RNF113A: variants seen among roughly 807,000 people sequenced by gnomAD.
RNF113A encodes the protein ring finger protein 113A, also known as E3 ubiquitin-protein ligase RNF113A.
For missense variants in RNF113A, 180 were observed against 285.4 expected, an observed-to-expected ratio of 0.63 and a Z score of 2.66; for synonymous variants, 80 against 110.5, an observed-to-expected ratio of 0.72 and a Z score of 1.73.
rs779018953 is a variant in RNF113A at position 119,871,417 on chromosome X, A to T, written c.197T>A (p.Met66Lys). ...ACCACTGTCACGGGTCTTCTGTATC[A>T]TTGGATTGTGGGTCACCCGCTTCTT... is the stretch of plus-strand genomic sequence containing the variant. ...PEKKRVTHNP[M>K]IQKTRDSGKQ... Residue 66 changes from methionine to lysine, a missense_variant, in exon 1 of 1, where the codon ATG becomes AAG. By Grantham distance (95) the Met-to-Lys change is moderately conservative (BLOSUM62 -1). Transcript: ENST00000371442. 7 of 1,211,317 alleles carry T rather than the reference A, an allele frequency of 5.8e-6. No homozygotes were observed. Among genetic ancestry groups the T allele is most frequent in the Non-Finnish European group, 7.8e-6 (7 of 895,401 alleles).
chrX:119,870,986 A>C lies in RNF113A; in HGVS notation c.628T>G (p.Phe210Val). Residue 210 changes from phenylalanine to valine, a missense_variant, in exon 1 of 1, where the codon TTC (phenylalanine) becomes GTC (valine). By Grantham distance (50) the Phe-to-Val change is conservative (BLOSUM62 -1). Coordinates refer to ENST00000371442, the MANE Select transcript of RNF113A (RefSeq NM_006978.3). ...DICKDYKETG[F>V]CGFGDSCKFL... ...TTGCAGCTGTCTCCGAAGCCGCAGA[A>C]GCCAGTCTCTTTGTAGTCCTTACAG... is the stretch of plus-strand genomic sequence containing the variant. 8.3e-7 allele frequency: 1 copy of C among 1,211,750 alleles called. No homozygotes were observed. Among genetic ancestry groups the C allele is most frequent in the Non-Finnish European group, 1.1e-6 (1 of 895,564 alleles).
Position 119,871,425 on chromosome X carries a change from G to A in RNF113A, c.189C>T (p.His63=), listed in dbSNP as rs1346730752. Reference sequence around the variant, plus strand: ...CACGGGTCTTCTGTATCATTGGATTGTGGGTCACCCGCTTCTTTTCCGGTC... The same window carrying A: ...CACGGGTCTTCTGTATCATTGGATTATGGGTCACCCGCTTCTTTTCCGGTC... ...VVRPEKKRVT[H]NPMIQKTRDS... Residue 63 remains histidine (H), a synonymous_variant, in exon 1 of 1, where the codon CAC becomes CAT. Transcript: ENST00000371442. The A allele has an allele frequency of 1.7e-6, 2 of 1,211,884 alleles. No homozygotes were observed. The highest frequency in any genetic ancestry group is 4.3e-5 in the Admixed American group (2 of 46,081).
Position 119,871,054 on chromosome X carries a change from T to G in RNF113A, c.560A>C (p.Glu187Ala). The change falls in exon 1 of 1, where the codon GAG becomes GCG. Residue 187 changes from glutamate to alanine, a missense_variant. Coordinates refer to ENST00000371442, the MANE Select transcript of RNF113A (RefSeq NM_006978.3). ...CCAGCGCACGGTGGCACGTAGATGC[T>G]CGGGCGCTCGGATGGGGCCCTTCCT... ...MVRKGPIRAPEHLRATVRWDY... is the reference protein window; with the variant it reads ...MVRKGPIRAPAHLRATVRWDY... 8.3e-7 allele frequency: 1 copy of G among 1,211,710 alleles called. No homozygotes were observed. The highest frequency in any genetic ancestry group is 1.1e-6 in the Non-Finnish European group (1 of 895,531).
rs770771211 is a variant in RNF113A, at chrX:119,871,116, C to T, written c.498G>A (p.Lys166=). ...INNYQKYMKP[K]DTSMGNASSG... is the part of the protein sequence containing the mutation. ...AAGAGGCATTGCCCATAGACGTATC[C>T]TTGGGCTTCATGTATTTCTGATAAT... Residue 166 remains lysine (K), a synonymous_variant, in exon 1 of 1, where the codon AAG becomes AAA. Transcript: ENST00000371442. 2 of 1,211,417 alleles carry T rather than the reference C, an allele frequency of 1.7e-6. No individual in the cohort carries two copies. The highest frequency in any genetic ancestry group is 2.2e-6 in the Non-Finnish European group (2 of 895,506).
Position 119,870,593 on chromosome X carries a change from G to T in RNF113A, c.1021C>A (p.Pro341Thr). Residue 341 changes from proline (P) to threonine (T), a missense_variant, in exon 1 of 1, where the codon CCC becomes ACC. By Grantham distance (38) the Pro-to-Thr change is conservative (BLOSUM62 -1). Coordinates refer to ENST00000371442, the MANE Select transcript of RNF113A (RefSeq NM_006978.3). ...GAATTATGGGAAACCTAAGTAATGGGAATTGCATCCTCATCGGGGTCTTCT... is the reference window on the plus strand; with the variant it reads ...GAATTATGGGAAACCTAAGTAATGGTAATTGCATCCTCATCGGGGTCTTCT... ...LPEDPDEDAI[P>T]IT The T allele has an allele frequency of 8.3e-7, 1 of 1,197,822 alleles. No individual in the cohort carries two copies. Among genetic ancestry groups the T allele is most frequent in the East Asian group, 3.0e-5 (1 of 33,670 alleles).
At position 119,871,232 on chromosome X, in the gene RNF113A, G is replaced by A. The variant is rs768022410; in HGVS notation, c.382C>T (p.Arg128Cys). Residue 128 changes from arginine to cysteine, a missense_variant, in exon 1 of 1, where the codon CGC becomes TGC. Arg to Cys is a radical substitution (Grantham distance 180, BLOSUM62 -3). Transcript: ENST00000371442. Reference sequence around the variant, plus strand: ...CGCTCAAAGATGGCTTGTGCATCGCGCTCTTTCTCTGTGTCCAGCTCATAG... The same window carrying A: ...CGCTCAAAGATGGCTTGTGCATCGCACTCTTTCTCTGTGTCCAGCTCATAG... Reference protein sequence around the residue: ...AVYELDTEKERDAQAIFERSQ... With the variant: ...AVYELDTEKECDAQAIFERSQ... 2.2e-5 allele frequency: 27 copies of A among 1,209,543 alleles called. No homozygotes were observed. In the East Asian group the frequency reaches 8.0e-4, roughly 36 times the overall value.
At position 119,871,496 on chromosome X, in the gene RNF113A, G is replaced by C. The variant is rs954810120; in HGVS notation, c.118C>G (p.Pro40Ala). The C allele has an allele frequency of 2.5e-6, 3 of 1,211,124 alleles. No homozygotes were observed. The African/African-American group carries it at 5.2e-5, about 21-fold the overall frequency. ...TCGCTACTGCTGCCGCTTTCTCCGG[G>C]CTCTGGGTCGCAGGCCGGGCGCTTT... is the stretch of plus-strand genomic sequence containing the variant. ...RRKRPACDPEPGESGSSSDEG... is the reference protein window; with the variant it reads ...RRKRPACDPEAGESGSSSDEG... Residue 40 changes from proline (P) to alanine (A), a missense_variant, in exon 1 of 1, where the codon CCC becomes GCC. Pro to Ala is a conservative substitution (Grantham distance 27, BLOSUM62 -1). Transcript: ENST00000371442.
Position 119,871,175 on chromosome X carries a change from T to G in RNF113A, c.439A>C (p.Lys147Gln). The change falls in exon 1 of 1, where the codon AAG (lysine) becomes CAG (glutamine). Residue 147 changes from lysine (K) to glutamine (Q), a missense_variant. Transcript: ENST00000371442. ...CCCCGATAGATCTTGTCATCCTCCT[T>G]GCCCCTCAGCTCCTCCTGGATCTTC... ...SQKIQEELRGKEDDKIYRGIN... is the reference protein window; with the variant it reads ...SQKIQEELRGQEDDKIYRGIN... The G allele has an allele frequency of 8.3e-7, 1 of 1,211,091 alleles. No individual in the cohort carries two copies. The highest frequency in any genetic ancestry group is 1.1e-6 in the Non-Finnish European group (1 of 895,543).
Position 119,871,278 on chromosome X carries a change from C to T in RNF113A, c.336G>A (p.Glu112=), listed in dbSNP as rs777693833. ...STRSAKPVGP[E]DMGATAVYEL... ...CATAGACAGCTGTCGCTCCCATATCCTCTGGTCCCACGGGTTTCGCCGAAC... is the reference window on the plus strand; with the variant it reads ...CATAGACAGCTGTCGCTCCCATATCTTCTGGTCCCACGGGTTTCGCCGAAC... The change falls in exon 1 of 1, where the codon GAG becomes GAA. Residue 112 remains glutamate (E), a synonymous_variant. Coordinates refer to ENST00000371442, the MANE Select transcript of RNF113A (RefSeq NM_006978.3). The T allele has an allele frequency of 9.1e-6, 11 of 1,211,580 alleles. No homozygotes were observed. Among genetic ancestry groups the T allele is most frequent in the Non-Finnish European group, 1.2e-5 (11 of 895,597 alleles).
chrX:119,871,695 G>A lies in RNF113A; in HGVS notation c.-82C>T, dbSNP rs1336289212. The A allele has an allele frequency of 2.9e-6, 3 of 1,034,536 alleles. No individual in the cohort carries two copies. The highest frequency in any genetic ancestry group is 3.9e-6 in the Non-Finnish European group (3 of 760,480). The allele number at this position is 1,034,536 out of a possible 1,213,427, so 85.3% of individuals were successfully genotyped here. On this transcript the variant is annotated 5_prime_UTR_variant, in exon 1 of 1. Transcript: ENST00000371442. ...CACGTCACTCCACGTTGCGCGCTCCGCCGGGAGTCGAAGCAAAAGACACTG... is the reference window on the plus strand; with the variant it reads ...CACGTCACTCCACGTTGCGCGCTCCACCGGGAGTCGAAGCAAAAGACACTG...
Position 119,871,641 on chromosome X carries a change from G to T in RNF113A, c.-28C>A, listed in dbSNP as rs761240377. 12 of 1,157,934 alleles carry T rather than the reference G, an allele frequency of 1.0e-5. No individual in the cohort carries two copies. The South Asian group carries it at 2.2e-4, about 21-fold the overall frequency. Reference sequence around the variant, plus strand: ...TAGAGTCCTGAGCTCCGAAACAGCCGTGGCTGCCTGGGTTGCACTTGGCCC... The same window carrying T: ...TAGAGTCCTGAGCTCCGAAACAGCCTTGGCTGCCTGGGTTGCACTTGGCCC... On this transcript the variant is annotated 5_prime_UTR_variant, in exon 1 of 1. Transcript: ENST00000371442.
rs747028060 is a variant in RNF113A, at chrX:119,871,110, C to G, written c.504G>C (p.Thr168=). 1 of 1,209,474 alleles carries G rather than the reference C, an allele frequency of 8.3e-7. No homozygotes were observed. The highest frequency in any genetic ancestry group is 1.8e-5 in the African/African-American group (1 of 57,078). Residue 168 remains threonine, a synonymous_variant, in exon 1 of 1, where the codon ACG becomes ACC. Transcript: ENST00000371442. The stretch of plus-strand genomic sequence containing the variant: ...TCCCGGAAGAGGCATTGCCCATAGA[C>G]GTATCCTTGGGCTTCATGTATTTCT... The part of the protein sequence containing the change: ...NYQKYMKPKD[T]SMGNASSGMV...
Position 119,870,487 on chromosome X carries a change from C to T in RNF113A, c.*95G>A. 1.1e-6 allele frequency: 1 copy of T among 885,071 alleles called. No homozygotes were observed. The highest frequency in any genetic ancestry group is 1.6e-6 in the Non-Finnish European group (1 of 636,663). 72.9% of individuals were successfully genotyped at this position (885,071 alleles called of 1,213,427 possible). A position where few individuals can be genotyped will look rare whatever the true frequency, so the allele number is the denominator to read the frequency against. ...ATCCAGGACCCTACTTCACCACCCG[C>T]CTGCTCTGTCACTTTCTCTACAAAG... On this transcript the variant is annotated 3_prime_UTR_variant, in exon 1 of 1. Transcript: ENST00000371442.
chrX:119,871,013 T>A lies in RNF113A; in HGVS notation c.601A>T (p.Ile201Phe). 8.3e-7 allele frequency: 1 copy of A among 1,211,825 alleles called. No homozygotes were observed. Among genetic ancestry groups the A allele is most frequent in the Non-Finnish European group, 1.1e-6 (1 of 895,564 alleles). ...CCAGTCTCTTTGTAGTCCTTACAGATGTCGGGCTGGTAATCCCAGCGCACG... is the reference window on the plus strand; with the variant it reads ...CCAGTCTCTTTGTAGTCCTTACAGAAGTCGGGCTGGTAATCCCAGCGCACG... Reference protein sequence around the residue: ...ATVRWDYQPDICKDYKETGFC... With the variant: ...ATVRWDYQPDFCKDYKETGFC... The change falls in exon 1 of 1, where the codon ATC becomes TTC. Residue 201 changes from isoleucine to phenylalanine, a missense_variant. Ile to Phe is a conservative substitution (Grantham distance 21, BLOSUM62 0). Coordinates refer to ENST00000371442, the MANE Select transcript of RNF113A (RefSeq NM_006978.3).
chrX:119,871,410 C>T lies in RNF113A; in HGVS notation c.204G>A (p.Gln68=), dbSNP rs755021073. The change falls in exon 1 of 1, where the codon CAG becomes CAA. Residue 68 remains glutamine (Q), a synonymous_variant. Coordinates refer to ENST00000371442, the MANE Select transcript of RNF113A (RefSeq NM_006978.3). The part of the protein sequence containing the change: ...KKRVTHNPMI[Q]KTRDSGKQKA... ...TCTGTTTACCACTGTCACGGGTCTT[C>T]TGTATCATTGGATTGTGGGTCACCC... is the stretch of plus-strand genomic sequence containing the variant. The T allele has an allele frequency of 3.3e-6, 4 of 1,211,997 alleles. No individual in the cohort carries two copies. In the Admixed American group the frequency reaches 8.7e-5, roughly 26 times the overall value.
Position 119,871,673 on chromosome X carries a change from G to A in RNF113A, c.-60C>T, listed in dbSNP as rs2056411844. 9.2e-7 allele frequency: 1 copy of A among 1,088,816 alleles called. No individual in the cohort carries two copies. Among genetic ancestry groups the A allele is most frequent in the Admixed American group, 2.7e-5 (1 of 37,006 alleles). 89.7% of individuals were successfully genotyped at this position (1,088,816 alleles called of 1,213,427 possible). On this transcript the variant is annotated 5_prime_UTR_variant, in exon 1 of 1. It adds an upstream start codon to the 5' untranslated region. Coordinates refer to ENST00000371442, the MANE Select transcript of RNF113A (RefSeq NM_006978.3). ...CCTGGGTTGCACTTGGCCCCTGCAC[G>A]TCACTCCACGTTGCGCGCTCCGCCG...
Position 119,870,840 on chromosome X carries a change from T to C in RNF113A, c.774A>G (p.Ile258Met), listed in dbSNP as rs757399071. 8.3e-6 allele frequency: 10 copies of C among 1,211,281 alleles called. No homozygotes were observed. Among genetic ancestry groups the C allele is most frequent in the Non-Finnish European group, 1.1e-5 (10 of 895,435 alleles). Residue 258 changes from isoleucine (I) to methionine (M), a missense_variant, in exon 1 of 1, where the codon ATA (isoleucine) becomes ATG (methionine). Coordinates refer to ENST00000371442, the MANE Select transcript of RNF113A (RefSeq NM_006978.3). ...NYEVGSDDEE[I>M]PFKCFICRQS... ...GGCGACAGATGAAACACTTGAATGG[T>C]ATTTCCTCATCATCGCTTCCCACTT...
In RNF113A at chrX:119,871,728, A is replaced by C; in HGVS notation, c.-115T>G. 1.1e-6 allele frequency: 1 copy of C among 919,938 alleles called. No individual in the cohort carries two copies. The highest frequency in any genetic ancestry group is 1.5e-6 in the Non-Finnish European group (1 of 653,827). The allele number at this position is 919,938 out of a possible 1,213,427, so 75.8% of individuals were successfully genotyped here. A position where few individuals can be genotyped will look rare whatever the true frequency, so the allele number is the denominator to read the frequency against. On this transcript the variant is annotated 5_prime_UTR_variant, in exon 1 of 1. Transcript: ENST00000371442. ...TCGAAGCAAAAGACACTGACGGAAG[A>C]GGACTGCGAGAGCCCGAGCGCCCGT...
In RNF113A at chrX:119,871,332, C is replaced by T. The variant is rs1255715959; in HGVS notation, c.282G>A (p.Glu94=). 1 of 1,211,680 alleles carries T rather than the reference C, an allele frequency of 8.3e-7. No individual in the cohort carries two copies. Among genetic ancestry groups the T allele is most frequent in the Admixed American group, 2.2e-5 (1 of 46,028 alleles). Reference sequence around the variant, plus strand: ...TGGATTTATAAACCACGCCGAGACTCTCGGGCTCATTTTCCTCTTCCTCTT... The same window carrying T: ...TGGATTTATAAACCACGCCGAGACTTTCGGGCTCATTTTCCTCTTCCTCTT... ...SSEEEEENEP[E]SLGVVYKSTR... is the part of the protein sequence containing the mutation. Residue 94 remains glutamate (E), a synonymous_variant, in exon 1 of 1, where the codon GAG becomes GAA. Transcript: ENST00000371442.
Sources: gnomAD v4.1 joint callset for allele counts on GRCh38, gnomAD v4.1.1 for gene constraint, MANE v1.5 for transcripts, NCBI Gene and HGNC (gene_info 2026-07-23, HGNC 2026-07-21) for gene names.